The following TRAF5 variants were observed in gnomAD, a reference collection of about 807,000 sequenced individuals.
TRAF5 encodes TNF receptor-associated factor 5.
A neutral mutation model predicts 64.5 loss-of-function variants in TRAF5; 48 were observed. That is an observed-to-expected ratio of 0.74 (90% CI 0.59 to 0.95). TRAF5 has a LOEUF of 0.95. Ranked by LOEUF, TRAF5 falls within the 40% of genes least tolerant of loss-of-function variation. The probability of loss-of-function intolerance (pLI) is 0.00; values close to 1 mark genes in which losing one functional copy is unlikely to be tolerated. For missense variants in TRAF5, 545 were observed against 662.8 expected (o/e 0.82, Z 1.95); for synonymous variants, 206 against 240.5 (o/e 0.86, Z 1.33).
intron 1 of TRAF5, among the ~76,000 whole-genome samples, chr1:211,349,510 G>A (rs1012984776): frequency 1.3e-5 from 2 of 152,164 alleles, no homozygotes; most frequent in Admixed American, 1.3e-4. Context: ...GGTCCCATCC[G>A]TGGATACAAA....
chr1:211,360,199 A>G, intron 5 of TRAF5, 123 bp downstream of exon 5: 3 of 1,113,446 alleles, frequency 2.7e-6, no homozygotes, highest in Non-Finnish European at 3.8e-6. Context: ...AATTAGGTCT[A>G]AAGAATTTGC....
At chr1:211,353,653 A>G (rs1702867984) in intron 2 of TRAF5, 196 bp downstream of exon 2, 1 of 610,130 alleles carries the variant, frequency 1.6e-6, no homozygotes, top group Non-Finnish European at 2.9e-6. Context: ...ATTTACAGAT[A>G]TTTACCTTTT....
In TRAF5 at chr1:211,354,443, T is replaced by C. The variant is rs757772821; in HGVS notation, c.252T>C (p.Asp84=). 6.5e-5 allele frequency: 105 copies of C among 1,614,056 alleles called. No homozygotes were observed. In the South Asian group the frequency reaches 1.1e-3, roughly 17 times the overall value. ...ACACAGTGCCAATCTGCCCTGTAGATAAAGAGGTCATCAAATCTCAGGAGG... is the reference window on the plus strand; with the variant it reads ...ACACAGTGCCAATCTGCCCTGTAGACAAAGAGGTCATCAAATCTCAGGAGG... The part of the protein sequence containing the change: ...ELNTVPICPV[D]KEVIKSQEVF... The change falls in exon 3 of 11, where the codon GAT becomes GAC. Residue 84 remains aspartate (D), a synonymous_variant. Transcript: ENST00000261464.
At chr1:211,353,498 A>T (rs200073713) in intron 2 of TRAF5, 41 bp downstream of exon 2, 1 of 1,576,746 alleles carries the variant, frequency 6.3e-7, no homozygotes, top group African/African-American at 1.3e-5. Flanking sequence ...TGGCAGTCCT[A>T]GCATCCAGGT....
At chr1:211,333,881 G>A (rs1028123196) in intron 1 of TRAF5, among the ~76,000 whole-genome samples, 38 of 152,110 alleles carry the variant, frequency 2.5e-4, no homozygotes, top group Admixed American at 2.5e-3. Context: ...AATGCCTCCT[G>A]TTCAAAACCA....
chr1:211,354,774 T>C (rs942928216), intron 3 of TRAF5, among the ~76,000 whole-genome samples: 1 of 152,254 alleles, frequency 6.6e-6, no homozygotes, highest in Admixed American at 6.5e-5. Context: ...TGTTGGCTAA[T>C]GAAGTTGAGC....
chr1:211,365,928 A>G (rs750396855), intron 8 of TRAF5, among the ~76,000 whole-genome samples: 2 of 152,198 alleles, frequency 1.3e-5, no homozygotes, highest in African/African-American at 4.8e-5. Flanking sequence ...GGTTTTATAA[A>G]TTTTGTGATA....
chr1:211,339,632 C>G (rs938051353), intron 1 of TRAF5, among the ~76,000 whole-genome samples: 2 of 152,226 alleles, frequency 1.3e-5, no homozygotes, highest in Non-Finnish European at 2.9e-5. Flanking sequence ...TTGCCCTGAT[C>G]AGGCCCTTGA....
At chr1:211,339,176 T>A (rs140286235) in intron 1 of TRAF5, among the ~76,000 whole-genome samples, 42 of 152,334 alleles carry the variant, frequency 2.8e-4, no homozygotes, top group African/African-American at 9.1e-4. Flanking sequence ...CTCGGACTGT[T>A]CATTGGGAAT....
intron 1 of TRAF5, among the ~76,000 whole-genome samples, chr1:211,342,493 A>G (rs1230791632): frequency 6.6e-6 from 1 of 152,144 alleles, no homozygotes; most frequent in Non-Finnish European, 1.5e-5. Flanking sequence ...TGTTACAATC[A>G]TCCCAATTCT....
At chr1:211,340,373 C>T (rs1007884221) in intron 1 of TRAF5, among the ~76,000 whole-genome samples, 1 of 152,180 alleles carries the variant, frequency 6.6e-6, no homozygotes, top group African/African-American at 2.4e-5. Context: ...CAACTTCCGC[C>T]TCTTGGGTTC....
intron 9 of TRAF5, among the ~76,000 whole-genome samples, chr1:211,370,385 AC>A (rs1297179818): frequency 1.4e-5 from 2 of 147,058 alleles, no homozygotes; most frequent in Non-Finnish European, 3.0e-5. Flanking sequence ...TTAAACACAC[AC>A]ACACACACAC....
At position 211,342,532 on chromosome 1, in the gene TRAF5, T is replaced by G. The variant is rs61848977; in HGVS notation, c.-1-10707T>G. 5.0e-3 allele frequency among the ~76,000 whole-genome samples: 759 copies of G among 152,320 alleles called. 3 individuals carry two copies. Among genetic ancestry groups the G allele is most frequent in the Non-Finnish European group, 8.5e-3 (579 of 68,032 alleles). Reference sequence around the variant, plus strand: ...AGTTATTTTTAAATGTACAATAAATTATTGTTGACTATAGTCACCCTGTTA... The same window carrying G: ...AGTTATTTTTAAATGTACAATAAATGATTGTTGACTATAGTCACCCTGTTA... On this transcript the variant is annotated intron_variant, in intron 1 of 10. Transcript: ENST00000261464.
rs181868298 is a variant in TRAF5, at chr1:211,374,732, G to C, written c.*2030G>C. On this transcript the variant is annotated 3_prime_UTR_variant, in exon 11 of 11. Coordinates refer to ENST00000261464, the MANE Select transcript of TRAF5 (RefSeq NM_001033910.3). Reference sequence around the variant, plus strand: ...TTCCTGAGCAGTGGAAGATCATATTGCTGTAACTTCTTTTAAGTAGTTGAT... The same window carrying C: ...TTCCTGAGCAGTGGAAGATCATATTCCTGTAACTTCTTTTAAGTAGTTGAT... 2.0e-5 allele frequency: 3 copies of C among 152,262 alleles called. No individual in the cohort carries two copies. Among genetic ancestry groups the C allele is most frequent in the Non-Finnish European group, 4.4e-5 (3 of 68,012 alleles). 9.4% of individuals were successfully genotyped at this position (152,262 alleles called of 1,614,324 possible). A position where few individuals can be genotyped will look rare whatever the true frequency, so the allele number is the denominator to read the frequency against.
chr1:211,350,732 G>A (rs1702760863), intron 1 of TRAF5, among the ~76,000 whole-genome samples: 1 of 152,218 alleles, frequency 6.6e-6, no homozygotes, highest in Non-Finnish European at 1.5e-5. Flanking sequence ...AGACTAGGTA[G>A]CTTATAAACA....
At chr1:211,328,801 C>T (rs947478990) in intron 1 of TRAF5, among the ~76,000 whole-genome samples, 1 of 152,220 alleles carries the variant, frequency 6.6e-6, no homozygotes, top group Non-Finnish European at 1.5e-5. Flanking sequence ...AGCATTTTCT[C>T]TTTGTTCTTG....
intron 1 of TRAF5, among the ~76,000 whole-genome samples, chr1:211,340,307 T>C (rs1218850223): frequency 6.6e-6 from 1 of 152,192 alleles, no homozygotes; most frequent in East Asian, 1.9e-4. Context: ...TTTTTTGAGA[T>C]GGAGTCTTGC....
rs1703642851 is a variant in TRAF5, at chr1:211,374,816, T to C, written c.*2114T>C. On this transcript the variant is annotated 3_prime_UTR_variant, in exon 11 of 11. Transcript: ENST00000261464. ...GCTGGTTTTGTGTTTTATCCAACTTTTGTGCATATATATAAAGTATGTCAT... is the reference window on the plus strand; with the variant it reads ...GCTGGTTTTGTGTTTTATCCAACTTCTGTGCATATATATAAAGTATGTCAT... 6.6e-6 allele frequency: 1 copy of C among 152,252 alleles called. No individual in the cohort carries two copies. Among genetic ancestry groups the C allele is most frequent in the African/African-American group, 2.4e-5 (1 of 41,470 alleles). The allele number at this position is 152,252 out of a possible 1,614,324, so 9.4% of individuals were successfully genotyped here.
intron 7 of TRAF5, among the ~76,000 whole-genome samples, chr1:211,364,498 A>T (rs575600587): frequency 2.0e-5 from 3 of 152,200 alleles, no homozygotes; most frequent in South Asian, 4.2e-4. Flanking sequence ...CAGCCTGAGC[A>T]ATATGGTGAA....
Sources: allele counts gnomAD v4.1 joint callset (sites outside exome capture counted in the v4.1 genomes callset), GRCh38; gene constraint gnomAD v4.1.1; transcripts MANE v1.5; gene names NCBI Gene and HGNC (gene_info 2026-07-23, HGNC 2026-07-21).